Variants in SGF29 observed in about 807,000 individuals in gnomAD.
The protein encoded by SGF29 is SAGA-associated factor 29.
Under a neutral mutation model 38.1 loss-of-function variants are expected in SGF29, and 15 were observed. That is an observed-to-expected ratio of 0.39 (90% CI 0.26 to 0.61). SGF29 has a LOEUF of 0.61. Ranked by LOEUF, SGF29 falls within the 20% of genes least tolerant of loss-of-function variation. SGF29 has a pLI of 0.49. For synonymous variants in SGF29, 151 were observed against 160.8 expected (o/e 0.94, Z 0.46); for missense variants, 184 against 394.6 (o/e 0.47, Z 4.52).
chr16:28,582,026 T>C (rs17707300), intron 2 of SGF29, among the ~76,000 whole-genome samples: 48,889 of 152,016 alleles, frequency 0.32, 8,704 homozygotes, highest in Non-Finnish European at 0.38. Flanking sequence ...GGGCATGCTC[T>C]GCCACATTTT....
At chr16:28,564,667 A>ATATATG (rs1491301838) in intron 1 of SGF29, among the ~76,000 whole-genome samples, 386 of 37,260 alleles carry the variant, frequency 0.01, 12 homozygotes, top group Non-Finnish European at 0.021. Context: ...ATATATATGC[A>ATATATG]TATATATGTA....
chr16:28,565,180 A>G (rs781255359), intron 1 of SGF29, among the ~76,000 whole-genome samples: 25 of 152,110 alleles, frequency 1.6e-4, no homozygotes, highest in Non-Finnish European at 2.4e-4. Context: ...CTGGCAGCCA[A>G]CTGGACGGTG....
chr16:28,589,237 C>T, intron 5 of SGF29, 73 bp downstream of exon 5: 2 of 1,533,894 alleles, frequency 1.3e-6, no homozygotes, highest in Admixed American at 3.4e-5. Flanking sequence ...AGCAGTCACC[C>T]TCCTGTGGGG....
intron 3 of SGF29, 47 bp from the exon 4 acceptor site, chr16:28,585,601 T>G (rs1170033423): frequency 6.6e-7 from 1 of 1,504,438 alleles, no homozygotes; most frequent in African/African-American, 1.4e-5. Context: ...GCCATGCTAC[T>G]GTGCCTGCCC....
intron 1 of SGF29, among the ~76,000 whole-genome samples, chr16:28,567,608 T>C (rs1222364797): frequency 6.6e-6 from 1 of 152,202 alleles, no homozygotes; most frequent in Non-Finnish European, 1.5e-5. Flanking sequence ...TACATTGTCA[T>C]GAACAAATCA....
chr16:28,589,366 C>A, intron 5 of SGF29: 1 of 569,204 alleles, frequency 1.8e-6, no homozygotes, highest in Non-Finnish European at 3.2e-6. Flanking sequence ...CCAGTTCTCC[C>A]TCAGCAGCCA....
chr16:28,585,457 G>A, intron 3 of SGF29, 191 bp from the exon 4 acceptor site: 1 of 622,786 alleles, frequency 1.6e-6, no homozygotes, highest in South Asian at 1.8e-5. Flanking sequence ...GATGGCATTT[G>A]TACCATATGG....
intron 1 of SGF29, among the ~76,000 whole-genome samples, chr16:28,557,427 G>A (rs1353607966): frequency 6.6e-6 from 1 of 152,224 alleles, no homozygotes; most frequent in Non-Finnish European, 1.5e-5. Flanking sequence ...CTTCCCACAT[G>A]CTTTGCCCTG....
intron 1 of SGF29, among the ~76,000 whole-genome samples, chr16:28,554,315 C>T (rs931431746): frequency 6.6e-6 from 1 of 151,564 alleles, no homozygotes; most frequent in African/African-American, 2.4e-5. Flanking sequence ...CGCCCGGCCG[C>T]TCGAGGTCTG....
At chr16:28,577,451 A>G (rs773846050) in intron 1 of SGF29, among the ~76,000 whole-genome samples, 3 of 151,938 alleles carry the variant, frequency 2.0e-5, no homozygotes, top group Admixed American at 6.6e-5. Context: ...TATTCTGGAT[A>G]TTTCACGTAA....
chr16:28,575,529 C>G (rs985877970), intron 1 of SGF29, among the ~76,000 whole-genome samples: 4 of 151,890 alleles, frequency 2.6e-5, no homozygotes, highest in Non-Finnish European at 5.9e-5. Flanking sequence ...AAAAGAAATA[C>G]AAAAATTAGC....
intron 1 of SGF29, among the ~76,000 whole-genome samples, chr16:28,575,616 C>T (rs2046888015): frequency 6.6e-6 from 1 of 152,162 alleles, no homozygotes; most frequent in African/African-American, 2.4e-5. Flanking sequence ...AGCCGGGAGG[C>T]AGAGGTTGCA....
At chr16:28,576,003 G>C (rs2046890523) in intron 1 of SGF29, among the ~76,000 whole-genome samples, 1 of 152,182 alleles carries the variant, frequency 6.6e-6, no homozygotes, top group African/African-American at 2.4e-5. Context: ...ATGACAGAGA[G>C]AGACAATAGC....
intron 1 of SGF29, among the ~76,000 whole-genome samples, chr16:28,580,208 C>T (rs1425117135): frequency 6.6e-6 from 1 of 152,108 alleles, no homozygotes; most frequent in Non-Finnish European, 1.5e-5. Flanking sequence ...TCCTTGACTT[C>T]GTCGAACATA....
intron 1 of SGF29, among the ~76,000 whole-genome samples, chr16:28,564,559 ATATATACGTATATATATACACG>A (rs2151643079): frequency 7.4e-6 from 1 of 134,466 alleles, no homozygotes; most frequent in Non-Finnish European, 1.6e-5. Flanking sequence ...ACGTATATAT[ATATATACGTATATATATACACG>A]TATATATATA....
At chr16:28,564,754 T>TGTATATATATATACATATATCC (rs1567286153) in intron 1 of SGF29, among the ~76,000 whole-genome samples, 1 of 73,862 alleles carries the variant, frequency 1.4e-5, no homozygotes, top group African/African-American at 4.8e-5. Flanking sequence ...TGTATATATA[T>TGTATATATATATACATATATCC]GTATATATGT....
chr16:28,571,591 T>TAAAAA (rs143979584), intron 1 of SGF29, among the ~76,000 whole-genome samples: 3 of 127,316 alleles, frequency 2.4e-5, no homozygotes, highest in East Asian at 2.3e-4. Flanking sequence ...GACTCCGCCT[T>TAAAAA]AAAAAAAAAA....
At chr16:28,566,394 G>A (rs569934219) in intron 1 of SGF29, among the ~76,000 whole-genome samples, 23 of 152,254 alleles carry the variant, frequency 1.5e-4, no homozygotes, top group African/African-American at 5.3e-4. Flanking sequence ...TTGGTGCTAA[G>A]CTAGATCTTA....
In SGF29 at chr16:28,581,055, G is replaced by A. The variant is rs572064592; in HGVS notation, c.-15G>A. 1.9e-6 allele frequency: 3 copies of A among 1,612,592 alleles called. No individual in the cohort carries two copies. Among genetic ancestry groups the A allele is most frequent in the Non-Finnish European group, 2.5e-6 (3 of 1,179,034 alleles). ...TCTTCTGTCCTCGCTCCCCCACCAG[G>A]TGCCCCTGTAGACAATGGCCCTCGT... On this transcript the variant is annotated splice_region_variant and 5_prime_UTR_variant, in exon 2 of 10. It adds an upstream start codon to the 5' untranslated region. Coordinates refer to ENST00000317058, the MANE Select transcript of SGF29 (RefSeq NM_138414.3).
Sources: gnomAD v4.1 joint callset for allele counts (sites outside exome capture counted in the v4.1 genomes callset) on GRCh38, gnomAD v4.1.1 for gene constraint, MANE v1.5 for transcripts, NCBI Gene and HGNC (gene_info 2026-07-23, HGNC 2026-07-21) for gene names.